SNAP91: variants seen among roughly 807,000 people sequenced by gnomAD.
SNAP91 encodes the protein synaptosome associated protein 91, also known as clathrin coat assembly protein AP180.
SNAP91 carries 27 observed loss-of-function variants against 100.3 expected under a neutral mutation model. The observed-to-expected ratio is 0.27, with a 90% confidence interval of 0.20 to 0.37. The LOEUF (loss-of-function observed/expected upper bound fraction) is 0.37. Ranked by LOEUF, SNAP91 falls within the 10% of genes least tolerant of loss-of-function variation. The pLI, the probability that SNAP91 is intolerant of heterozygous loss-of-function variation, is 1.00. For missense variants in SNAP91, 986 were observed against 1,123.7 expected (o/e 0.88, Z 1.75); for synonymous variants, 404 against 398.6 (o/e 1.01, Z -0.16).
intron 26 of SNAP91, among the ~76,000 whole-genome samples, chr6:83,566,565 T>C (rs1346958234): frequency 6.6e-6 from 1 of 152,178 alleles, no homozygotes; most frequent in Admixed American, 6.5e-5. Context: ...CCTGATCAAA[T>C]AAATGGTCAA....
chr6:83,586,924 AAACAC>A (rs2092750957), intron 22 of SNAP91, among the ~76,000 whole-genome samples: 1 of 151,962 alleles, frequency 6.6e-6, no homozygotes. Flanking sequence ...TGCATGCACC[AAACAC>A]CTTAAAATTT....
At chr6:83,627,869 G>C (rs1656740456) in intron 8 of SNAP91, among the ~76,000 whole-genome samples, 1 of 151,572 alleles carries the variant, frequency 6.6e-6, no homozygotes, top group Admixed American at 6.6e-5. Context: ...AATTTCCATA[G>C]GTTATTGGGG....
chr6:83,682,859 T>C (rs2099010506), intron 2 of SNAP91, among the ~76,000 whole-genome samples: 1 of 151,714 alleles, frequency 6.6e-6, no homozygotes, highest in African/African-American at 2.4e-5. Context: ...GATCCCTCTC[T>C]TATGCCTGTA....
intron 8 of SNAP91, among the ~76,000 whole-genome samples, chr6:83,640,093 A>G (rs2097628053): frequency 6.6e-6 from 1 of 152,178 alleles, no homozygotes; most frequent in Non-Finnish European, 1.5e-5. Flanking sequence ...TTATATTTAA[A>G]AAAGATTTTT....
intron 27 of SNAP91, 59 bp from the exon 28 acceptor site, chr6:83,560,267 C>G (rs1333917587): frequency 1.1e-5 from 13 of 1,191,916 alleles, no homozygotes; most frequent in Non-Finnish European, 1.6e-5. Flanking sequence ...AGGGCACTAT[C>G]CTGACATTTA....
intron 2 of SNAP91, among the ~76,000 whole-genome samples, chr6:83,685,140 A>C (rs2128942164): frequency 6.6e-6 from 1 of 152,316 alleles, no homozygotes; most frequent in Non-Finnish European, 1.5e-5. Flanking sequence ...TTATGCTTTA[A>C]GAAAGTTAAA....
At chr6:83,621,639 T>C (rs184845842) in intron 9 of SNAP91, among the ~76,000 whole-genome samples, 14 of 152,296 alleles carry the variant, frequency 9.2e-5, no homozygotes, top group Admixed American at 7.8e-4. Flanking sequence ...TTCAATGATG[T>C]ACTTTCAATG....
intron 24 of SNAP91, among the ~76,000 whole-genome samples, chr6:83,577,520 G>A (rs1323568046): frequency 1.3e-5 from 2 of 152,020 alleles, no homozygotes; most frequent in Admixed American, 6.6e-5. Context: ...TGAATCCCTT[G>A]TCAAATTTCA....
At chr6:83,611,517 T>C (rs2096070513) in intron 11 of SNAP91, 1 of 451,552 alleles carries the variant, frequency 2.2e-6, no homozygotes, top group African/African-American at 2.0e-5. Flanking sequence ...CAGCCTATAT[T>C]CACCGCCTTA....
At chr6:83,619,863 G>A (rs1375027364) in intron 9 of SNAP91, among the ~76,000 whole-genome samples, 1 of 152,078 alleles carries the variant, frequency 6.6e-6, no homozygotes, top group Non-Finnish European at 1.5e-5. Context: ...AGATGCTATA[G>A]CTTATAAAGC....
chr6:83,575,364 T>C (rs1235930916), intron 25 of SNAP91: 1 of 474,274 alleles, frequency 2.1e-6, no homozygotes, highest in Non-Finnish European at 3.7e-6. Flanking sequence ...AGGAATTTCC[T>C]ATCCTCTATA....
chr6:83,559,156 G>A (rs1232046923), intron 28 of SNAP91, among the ~76,000 whole-genome samples: 2 of 152,142 alleles, frequency 1.3e-5, no homozygotes, highest in Non-Finnish European at 2.9e-5. Flanking sequence ...CTAACAAGGT[G>A]ACTCAGAGTG....
chr6:83,561,341 A>G (rs1693287203), intron 26 of SNAP91, among the ~76,000 whole-genome samples: 1 of 152,232 alleles, frequency 6.6e-6, no homozygotes, highest in South Asian at 2.1e-4. Flanking sequence ...CACTGTACCA[A>G]GCCGAACATA....
rs547750643 is a variant in SNAP91, at chr6:83,647,936, T to C, written c.659-6734A>G. On this transcript the variant is annotated intron_variant, in intron 7 of 29. Coordinates refer to ENST00000369694, the MANE Select transcript of SNAP91 (RefSeq NM_001242792.2). The stretch of plus-strand genomic sequence containing the variant: ...CTGCATCATAACATGTCAGAAGGTA[T>C]CACGTGGTGAGAGAGTGCATGCCTG... Among the ~76,000 whole-genome samples the C allele has an allele frequency of 2.0e-5, 3 of 152,270 alleles. No homozygotes were observed. The South Asian group carries it at 6.2e-4, about 32-fold the overall frequency.
chr6:83,612,276 T>C (rs2096172449), intron 11 of SNAP91, among the ~76,000 whole-genome samples: 1 of 152,076 alleles, frequency 6.6e-6, no homozygotes, highest in Admixed American at 6.6e-5. Context: ...TACTGAAATA[T>C]CTACAGTAAA....
At chr6:83,689,695 C>G (rs187190692) in intron 2 of SNAP91, 2 of 151,972 alleles carry the variant, frequency 1.3e-5, no homozygotes, top group Non-Finnish European at 2.9e-5. Context: ...AATGAGGACA[C>G]GCATTTAGAA....
intron 2 of SNAP91, among the ~76,000 whole-genome samples, chr6:83,671,693 A>G (rs1197196044): frequency 6.6e-6 from 1 of 152,162 alleles, no homozygotes; most frequent in African/African-American, 2.4e-5. Flanking sequence ...GGAAATAGGT[A>G]TAAGCAGAAA....
chr6:83,586,115 T>C (rs558910010), intron 22 of SNAP91, among the ~76,000 whole-genome samples: 22 of 152,292 alleles, frequency 1.4e-4, no homozygotes, highest in African/African-American at 4.6e-4. Flanking sequence ...CACAAAGTGC[T>C]GGGATTATAT....
chr6:83,678,367 G>T (rs1039635830), intron 2 of SNAP91, among the ~76,000 whole-genome samples: 3 of 151,776 alleles, frequency 2.0e-5, no homozygotes, highest in African/African-American at 7.3e-5. Flanking sequence ...CCTCAGAAAA[G>T]AATAGCTATT....
Sources: gnomAD v4.1 joint callset for allele counts (sites outside exome capture counted in the v4.1 genomes callset) on GRCh38, gnomAD v4.1.1 for gene constraint, MANE v1.5 for transcripts, NCBI Gene and HGNC (gene_info 2026-07-23, HGNC 2026-07-21) for gene names.